Variants in PREX2 observed in about 807,000 individuals in gnomAD.
The protein encoded by PREX2 is phosphatidylinositol 3,4,5-trisphosphate-dependent Rac exchanger 2 protein.
PREX2 carries 107 observed loss-of-function variants against 203.2 expected under a neutral mutation model. That is an observed-to-expected ratio of 0.53 (90% CI 0.45 to 0.62). The LOEUF (loss-of-function observed/expected upper bound fraction) is 0.62. PREX2 is among the 20% of genes least tolerant of loss of function. The pLI, the probability that PREX2 is intolerant of heterozygous loss-of-function variation, is 0.00. For missense variants in PREX2, 1,777 were observed against 1,955.9 expected (o/e 0.91, Z 1.72); for synonymous variants, 672 against 663.6 (o/e 1.01, Z -0.19).
intron 18 of PREX2, among the ~76,000 whole-genome samples, chr8:68,085,396 C>T (rs1809651538): frequency 6.6e-6 from 1 of 151,906 alleles, no homozygotes; most frequent in Non-Finnish European, 1.5e-5. Context: ...CCTTTATGTC[C>T]TTATTCTAAT....
intron 37 of PREX2, among the ~76,000 whole-genome samples, chr8:68,208,586 A>G (rs576141112): frequency 2.0e-5 from 3 of 152,336 alleles, no homozygotes; most frequent in African/African-American, 7.2e-5. Flanking sequence ...TAATAGCTGA[A>G]TAAAATGGGA....
intron 11 of PREX2, among the ~76,000 whole-genome samples, chr8:68,063,786 A>G (rs1808934735): frequency 6.6e-6 from 1 of 152,304 alleles, no homozygotes. Context: ...TTGCTGGTTC[A>G]TGTTGACATA....
rs999050341 is a variant in PREX2 at position 67,975,865 on chromosome 8, G to A, written c.141+23330G>A. Among the ~76,000 whole-genome samples the A allele has an allele frequency of 1.0e-4, 14 of 136,636 alleles. No homozygotes were observed. The South Asian group carries it at 2.2e-3, about 22-fold the overall frequency. 89.6% of individuals were successfully genotyped at this position (136,636 alleles called of 152,430 possible). ...ACTACAGGCGTGTGCCACCATGCCC[G>A]GCTAATTTTTTTTTTTTTTTTTGTA... On this transcript the variant is annotated intron_variant, in intron 1 of 39. Transcript: ENST00000288368.
intron 5 of PREX2, among the ~76,000 whole-genome samples, chr8:68,028,522 G>A (rs1309685081): frequency 1.3e-5 from 2 of 151,708 alleles, no homozygotes; most frequent in African/African-American, 4.8e-5. Context: ...CCATAAATTG[G>A]GTATCTGCGT....
chr8:68,128,136 T>C (rs1425605563), intron 31 of PREX2, among the ~76,000 whole-genome samples: 1 of 152,202 alleles, frequency 6.6e-6, no homozygotes, highest in Admixed American at 6.5e-5. Flanking sequence ...CTACATGCCA[T>C]TTAATTACAG....
At chr8:68,157,045 T>C (rs895329436) in intron 34 of PREX2, among the ~76,000 whole-genome samples, 7 of 152,186 alleles carry the variant, frequency 4.6e-5, no homozygotes, top group Admixed American at 4.6e-4. Context: ...GCGGCATATT[T>C]TGGGCTCCCA....
intron 1 of PREX2, among the ~76,000 whole-genome samples, chr8:67,961,331 G>A (rs143684285): frequency 0.013 from 2,005 of 151,716 alleles, 22 homozygotes; most frequent in Middle Eastern, 0.031. Flanking sequence ...TTCATTAAAA[G>A]TGTTATTAAA....
Position 68,234,762 on chromosome 8 carries a change from T to A in PREX2, c.*3384T>A, listed in dbSNP as rs1813233918. 1 of 152,150 alleles carries A rather than the reference T, an allele frequency of 6.6e-6. No individual in the cohort carries two copies. Among genetic ancestry groups the A allele is most frequent in the African/African-American group, 2.4e-5 (1 of 41,448 alleles). The allele number at this position is 152,150 out of a possible 1,614,324, so 9.4% of individuals were successfully genotyped here. ...CTGGTGGCTTGGGTTCATTGTGCAT[T>A]CATTGGCCACTCTTCTTGCAGCAAA... On this transcript the variant is annotated 3_prime_UTR_variant, in exon 40 of 40. Transcript: ENST00000288368.
At chr8:67,967,412 CTG>C (rs1295904063) in intron 1 of PREX2, among the ~76,000 whole-genome samples, 2 of 152,140 alleles carry the variant, frequency 1.3e-5, no homozygotes, top group Admixed American at 1.3e-4. Flanking sequence ...TCACTCTGTT[CTG>C]TGTTTATACC....
intron 38 of PREX2, among the ~76,000 whole-genome samples, 191 bp from the exon 39 acceptor site, chr8:68,224,368 C>T (rs907385391): frequency 2.6e-5 from 4 of 152,150 alleles, no homozygotes; most frequent in Admixed American, 2.0e-4. Flanking sequence ...GACAAAGCAA[C>T]ATAACAGCAC....
At chr8:68,228,705 G>T (rs1255525687) in intron 39 of PREX2, among the ~76,000 whole-genome samples, 1 of 152,032 alleles carries the variant, frequency 6.6e-6, no homozygotes, top group Non-Finnish European at 1.5e-5. Flanking sequence ...GGTGGAGGTT[G>T]CAGTGAGCCG....
intron 1 of PREX2, among the ~76,000 whole-genome samples, chr8:67,998,761 C>G (rs932612106): frequency 6.6e-6 from 1 of 152,112 alleles, no homozygotes. Context: ...CAGATTGAGA[C>G]CCTGACTCTA....
chr8:68,101,424 A>T (rs1416576050), intron 23 of PREX2: 1 of 518,918 alleles, frequency 1.9e-6, no homozygotes, highest in African/African-American at 1.9e-5. Context: ...ACTAATATTC[A>T]GGGTTGCTGG....
chr8:68,209,727 A>T (rs2129615100), intron 37 of PREX2, among the ~76,000 whole-genome samples: 1 of 152,330 alleles, frequency 6.6e-6, no homozygotes, highest in East Asian at 1.9e-4. Flanking sequence ...GTTAACAAAT[A>T]TTGATTTCCC....
At chr8:68,062,232 C>T (rs188510453) in intron 11 of PREX2, among the ~76,000 whole-genome samples, 6 of 152,198 alleles carry the variant, frequency 3.9e-5, no homozygotes, top group South Asian at 2.1e-4. Context: ...TTCTAGTCGC[C>T]GTCATCTCCT....
intron 9 of PREX2, among the ~76,000 whole-genome samples, chr8:68,054,825 G>A (rs773390597): frequency 4.4e-4 from 67 of 152,154 alleles, no homozygotes; most frequent in Non-Finnish European, 5.0e-4. Flanking sequence ...GGTGCCCACC[G>A]GACTCCTGGT....
intron 34 of PREX2, among the ~76,000 whole-genome samples, chr8:68,148,205 C>A (rs1811365056): frequency 6.6e-6 from 1 of 152,088 alleles, no homozygotes; most frequent in Non-Finnish European, 1.5e-5. Context: ...CGAGATCATG[C>A]CACTGCACTC....
intron 25 of PREX2, among the ~76,000 whole-genome samples, chr8:68,114,941 A>AGTTTGG (rs1810612578): frequency 1.3e-5 from 2 of 150,758 alleles, no homozygotes; most frequent in South Asian, 4.2e-4. Flanking sequence ...GCCCATTTAT[A>AGTTTGG]GTTTGGGTTT....
intron 21 of PREX2, among the ~76,000 whole-genome samples, chr8:68,095,468 G>A (rs1401783460): frequency 6.6e-6 from 1 of 151,520 alleles, no homozygotes; most frequent in Non-Finnish European, 1.5e-5. Context: ...AAATCACAAG[G>A]ATTTAAAAGC....
Sources: gnomAD v4.1 joint callset for allele counts (sites outside exome capture counted in the v4.1 genomes callset) on GRCh38, gnomAD v4.1.1 for gene constraint, MANE v1.5 for transcripts, NCBI Gene and HGNC (gene_info 2026-07-23, HGNC 2026-07-21) for gene names.